SS18L1: variants seen among roughly 807,000 people sequenced by gnomAD.
The protein encoded by SS18L1 is SS18L1 subunit of BAF chromatin remodeling complex.
A neutral mutation model predicts 70.3 loss-of-function variants in SS18L1; 32 were observed. The observed-to-expected ratio is 0.46, with a 90% CI of 0.34 to 0.61. The LOEUF (loss-of-function observed/expected upper bound fraction) is 0.61. Ranked by LOEUF, SS18L1 falls within the 20% of genes least tolerant of loss-of-function variation. The probability of loss-of-function intolerance (pLI) is 0.01; values close to 1 mark genes in which losing one functional copy is unlikely to be tolerated. For missense variants in SS18L1, 430 were observed against 542.1 expected, an observed-to-expected ratio of 0.79 and a Z score of 2.05; for synonymous variants, 237 against 229.7, an observed-to-expected ratio of 1.03 and a Z score of -0.29.
At position 62,174,374 on chromosome 20, in the gene SS18L1, C is replaced by T. The variant is rs1220774935; in HGVS notation, c.1037-143C>T. On this transcript the variant is annotated intron_variant, in intron 9 of 10. Coordinates refer to ENST00000331758, the MANE Select transcript of SS18L1 (RefSeq NM_198935.3). This position sits in a 1 kb window ranked among gnomAD's most constrained non-coding sequence, Gnocchi z 4.1. Reference sequence around the variant, plus strand: ...GAGCCACGTGCAGGTGCCAGGTGTTCTGGAGATTGACAAAAGGCTGATGCA... The same window carrying T: ...GAGCCACGTGCAGGTGCCAGGTGTTTTGGAGATTGACAAAAGGCTGATGCA... The T allele has an allele frequency of 2.2e-6, 3 of 1,388,704 alleles. No homozygotes were observed. The highest frequency in any genetic ancestry group is 2.9e-6 in the Non-Finnish European group (3 of 1,044,262). 86.0% of individuals were successfully genotyped at this position (1,388,704 alleles called of 1,614,324 possible).
Position 62,158,221 on chromosome 20 carries a change from G to A in SS18L1, c.70-451G>A, listed in dbSNP as rs1353301034. On this transcript the variant is annotated intron_variant, in intron 1 of 10. Coordinates refer to ENST00000331758, the MANE Select transcript of SS18L1 (RefSeq NM_198935.3). This position sits in a 1 kb window ranked among gnomAD's most constrained non-coding sequence, Gnocchi z 4.5. Reference sequence around the variant, plus strand: ...AGCTGGAGGGTCCTTCGGGCTGGGGGCTGCTGGGGGCACGGGGCCTCTGTG... The same window carrying A: ...AGCTGGAGGGTCCTTCGGGCTGGGGACTGCTGGGGGCACGGGGCCTCTGTG... Among the ~76,000 whole-genome samples the A allele has an allele frequency of 6.6e-6, 1 of 152,076 alleles. No individual in the cohort carries two copies. The highest frequency in any genetic ancestry group is 1.5e-5 in the Non-Finnish European group (1 of 68,018).
At chr20:62,148,117 A>G (rs1600985918) in intron 1 of SS18L1, among the ~76,000 whole-genome samples, 1 of 151,938 alleles carries the variant, frequency 6.6e-6, no homozygotes, top group Admixed American at 6.6e-5. Flanking sequence ...CGAGAAGGGG[A>G]GCATGGGGGC....
chr20:62,181,626 C>T lies in SS18L1; in HGVS notation c.*2418C>T, dbSNP rs2057711089. The T allele has an allele frequency of 4.7e-6, 1 of 212,572 alleles. No homozygotes were observed. The highest frequency in any genetic ancestry group is 9.5e-6 in the Non-Finnish European group (1 of 104,882). The allele number at this position is 212,572 out of a possible 1,614,324, so 13.2% of individuals were successfully genotyped here. On this transcript the variant is annotated 3_prime_UTR_variant, in exon 11 of 11. Coordinates refer to ENST00000331758, the MANE Select transcript of SS18L1 (RefSeq NM_198935.3). The stretch of plus-strand genomic sequence containing the variant: ...AAAGCACTTTGCAAAATAGTTTGTA[C>T]ATTTATTTCCTAATTTATACATGAT...
Position 62,174,865 on chromosome 20 carries a change from C to A in SS18L1, c.1164+221C>A. On this transcript the variant is annotated intron_variant, in intron 10 of 10. Coordinates refer to ENST00000331758, the MANE Select transcript of SS18L1 (RefSeq NM_198935.3). This position sits in a 1 kb window ranked among gnomAD's most constrained non-coding sequence, Gnocchi z 4.1. ...CTGGCTTTTCATACCCTAAGCTCACCGTTAGATCTGCACGCCTGGTTCTCA... is the reference window on the plus strand; with the variant it reads ...CTGGCTTTTCATACCCTAAGCTCACAGTTAGATCTGCACGCCTGGTTCTCA... 4 of 1,427,910 alleles carry A rather than the reference C, an allele frequency of 2.8e-6. No homozygotes were observed. The Admixed American group carries it at 7.2e-5, about 26-fold the overall frequency. The allele number at this position is 1,427,910 out of a possible 1,614,324, so 88.5% of individuals were successfully genotyped here. A position where few individuals can be genotyped will look rare whatever the true frequency, so the allele number is the denominator to read the frequency against.
intron 1 of SS18L1, among the ~76,000 whole-genome samples, chr20:62,152,945 G>T (rs796090313): frequency 6.6e-6 from 1 of 152,208 alleles, no homozygotes; most frequent in South Asian, 2.1e-4. Flanking sequence ...CACATCAGGA[G>T]TCAAGAAGCA....
At chr20:62,145,000 C>G (rs558924918) in intron 1 of SS18L1, among the ~76,000 whole-genome samples, 3 of 152,348 alleles carry the variant, frequency 2.0e-5, no homozygotes, top group African/African-American at 7.2e-5. Context: ...GGAAGTTGTC[C>G]TAAATCTATC....
intron 1 of SS18L1, chr20:62,154,612 C>A (rs2057189882): frequency 1.2e-6 from 1 of 847,982 alleles, no homozygotes; most frequent in Non-Finnish European, 1.4e-6. Flanking sequence ...GTCGTTGCAC[C>A]CTGCGGGCCC....
At chr20:62,144,731 TTGTATTTTCTGC>T (rs1399329902) in intron 1 of SS18L1, among the ~76,000 whole-genome samples, 14 of 152,282 alleles carry the variant, frequency 9.2e-5, no homozygotes, top group Admixed American at 1.3e-4. Flanking sequence ...AATTGAGACT[TTGTATTTTCTGC>T]TGTTTTTTCT....
At chr20:62,151,341 C>T (rs118063364) in intron 1 of SS18L1, among the ~76,000 whole-genome samples, 4,451 of 152,320 alleles carry the variant, frequency 0.029, 108 homozygotes, top group Middle Eastern at 0.051. Flanking sequence ...CCCGTGTCCC[C>T]CGTCAGTCCC....
chr20:62,158,601 G>A lies in SS18L1; in HGVS notation c.70-71G>A, dbSNP rs1017644723. On this transcript the variant is annotated intron_variant, in intron 1 of 10. Coordinates refer to ENST00000331758, the MANE Select transcript of SS18L1 (RefSeq NM_198935.3). The surrounding 1 kb of genome is among the most constrained non-coding windows in gnomAD (Gnocchi z 4.5). ...AACCTATATGAAAACTAGATGTGTA[G>A]CGATGGCTGTTCATCCCGAGGGTCA... 15 of 1,573,758 alleles carry A rather than the reference G, an allele frequency of 9.5e-6. No homozygotes were observed. Among genetic ancestry groups the A allele is most frequent in the East Asian group, 2.3e-5 (1 of 43,352 alleles).
chr20:62,167,430 G>A (rs1442300583), intron 8 of SS18L1, among the ~76,000 whole-genome samples: 2 of 151,702 alleles, frequency 1.3e-5, no homozygotes, highest in Non-Finnish European at 2.9e-5. Context: ...GCGTGGTGGC[G>A]GGTACCTGTA....
Position 62,174,911 on chromosome 20 carries a change from G to GT in SS18L1, c.1164+270dup, listed in dbSNP as rs1461826344. 1 of 985,312 alleles carries GT rather than the reference G, an allele frequency of 1.0e-6. No homozygotes were observed. The highest frequency in any genetic ancestry group is 1.1e-4 in the East Asian group (1 of 8,830). 61.0% of individuals were successfully genotyped at this position (985,312 alleles called of 1,614,324 possible). ...TCTCACATTCATTCACTCTGCCAGT[G>GT]TTTGTCACGTACTGGGTACGCGTCC... On this transcript the variant is annotated intron_variant, in intron 10 of 10. Transcript: ENST00000331758. This position sits in a 1 kb window ranked among gnomAD's most constrained non-coding sequence, Gnocchi z 4.1.
intron 10 of SS18L1, among the ~76,000 whole-genome samples, chr20:62,175,917 G>A (rs574347463): frequency 2.1e-4 from 31 of 150,908 alleles, no homozygotes; most frequent in African/African-American, 7.0e-4. Flanking sequence ...GTGCTCTCAG[G>A]ACACTGTGAG....
chr20:62,163,618 G>T lies in SS18L1; in HGVS notation c.717G>T (p.Gln239His). 1 of 1,585,232 alleles carries T rather than the reference G, an allele frequency of 6.3e-7. No individual in the cohort carries two copies. Residue 239 changes from glutamine to histidine, a missense_variant, in exon 6 of 11, where the codon CAG becomes CAT. Coordinates refer to ENST00000331758, the MANE Select transcript of SS18L1 (RefSeq NM_198935.3). ...QRPMAPYRPSQQGSSQQYLGQ... is the reference protein window; with the variant it reads ...QRPMAPYRPSHQGSSQQYLGQ... ...CCATGGCGCCCTACCGGCCCTCCCA[G>T]CAAGGTAACGCCCGGCCGGGCCAGG...
chr20:62,153,922 T>G (rs1000695745), intron 1 of SS18L1, among the ~76,000 whole-genome samples: 3 of 152,178 alleles, frequency 2.0e-5, no homozygotes, highest in Non-Finnish European at 4.4e-5. Context: ...CACGCTCCCT[T>G]CACTCGACTG....
rs949881116 is a variant in SS18L1 at position 62,179,998 on chromosome 20, G to A, written c.*790G>A. ...GCTGAAGGAAAGGGGCAGCTCTCTG[G>A]GAAGTGGGCCCTCAGAGATTACTCT... On this transcript the variant is annotated 3_prime_UTR_variant, in exon 11 of 11. Coordinates refer to ENST00000331758, the MANE Select transcript of SS18L1 (RefSeq NM_198935.3). 1 of 222,284 alleles carries A rather than the reference G, an allele frequency of 4.5e-6. No homozygotes were observed. The highest frequency in any genetic ancestry group is 6.6e-5 in the East Asian group (1 of 15,242). The allele number at this position is 222,284 out of a possible 1,614,324, so 13.8% of individuals were successfully genotyped here.
In SS18L1 at chr20:62,179,730, G is replaced by GGGGGGGGGGGGCCCCCC; in HGVS notation, c.*522_*523insGGGGGGGGGGGCCCCCC. On this transcript the variant is annotated 3_prime_UTR_variant, in exon 11 of 11. Transcript: ENST00000331758. ...GTGCCTCGATGGGGTGGGTGGGAGG[G>GGGGGGGGGGGGCCCCCC]CATCTTCTGTGCGTTGGGTCAGTTT... 1.0e-5 allele frequency: 1 copy of GGGGGGGGGGGGCCCCCC among 96,712 alleles called. No individual in the cohort carries two copies. The allele number at this position is 96,712 out of a possible 1,614,324, so 6.0% of individuals were successfully genotyped here.
chr20:62,155,022 A>G lies in SS18L1; in HGVS notation c.70-3650A>G, dbSNP rs553170756. 4.6e-5 allele frequency among the ~76,000 whole-genome samples: 7 copies of G among 152,156 alleles called. No individual in the cohort carries two copies. The East Asian group carries it at 1.4e-3, about 29-fold the overall frequency. ...CCCTCTGTTGTTTCTAACTGGCATC[A>G]TCTTCTTTTCTGGGGCTCCAGTAAC... is the stretch of plus-strand genomic sequence containing the variant. On this transcript the variant is annotated intron_variant, in intron 1 of 10. Coordinates refer to ENST00000331758, the MANE Select transcript of SS18L1 (RefSeq NM_198935.3).
chr20:62,147,738 TG>T (rs1421862420), intron 1 of SS18L1, among the ~76,000 whole-genome samples: 5 of 151,854 alleles, frequency 3.3e-5, no homozygotes, highest in African/African-American at 1.2e-4. Context: ...GGGTTTGGTG[TG>T]GGAAGACAAG....
Sources: allele counts gnomAD v4.1 joint callset (sites outside exome capture counted in the v4.1 genomes callset), GRCh38; gene constraint gnomAD v4.1.1; non-coding constraint Gnocchi (gnomAD v3.1); transcripts MANE v1.5; gene names NCBI Gene and HGNC (gene_info 2026-07-23, HGNC 2026-07-21).